The following SP140L variants were observed in gnomAD, a reference collection of about 807,000 sequenced individuals.
SP140L encodes the protein SP140 like nuclear body protein.
In SP140L, 64 loss-of-function variants were observed where a neutral mutation model predicts 84.3. The observed-to-expected ratio is 0.76, with a 90% CI of 0.62 to 0.94. The LOEUF is 0.94. Among genes scored for constraint, SP140L ranks in the 40% least tolerant of loss-of-function variants. SP140L has a pLI of 0.00. For missense variants in SP140L, 628 were observed against 692.5 expected (o/e 0.91, Z 1.05); for synonymous variants, 242 against 236.9 (o/e 1.02, Z -0.20).
At position 230,402,787 on chromosome 2, in the gene SP140L, CT is replaced by C; in HGVS notation, c.1645-5del. On this transcript the variant is annotated splice_polypyrimidine_tract_variant and intron_variant, in intron 18 of 18. Transcript: ENST00000415673. ...AGGAACATCGTTTTTGTCTTTATTACTTTTTTCCAGTATAAGGATTTTGGCC... is the reference window on the plus strand; with the variant it reads ...AGGAACATCGTTTTTGTCTTTATTACTTTTTCCAGTATAAGGATTTTGGCC... The C allele has an allele frequency of 1.2e-6, 2 of 1,606,356 alleles. No homozygotes were observed. Among genetic ancestry groups the C allele is most frequent in the South Asian group, 1.1e-5 (1 of 90,190 alleles).
Position 230,388,930 on chromosome 2 carries a change from C to T in SP140L, c.859+297C>T, listed in dbSNP as rs142094677. 1.5e-3 allele frequency: 348 copies of T among 233,704 alleles called. 1 individual carries two copies. Among genetic ancestry groups the T allele is most frequent in the African/African-American group, 7.5e-3 (331 of 43,854 alleles). The allele number at this position is 233,704 out of a possible 1,614,324, so 14.5% of individuals were successfully genotyped here. On this transcript the variant is annotated intron_variant, in intron 10 of 18. Transcript: ENST00000415673. ...CCATTGCTGTATAAAGGGTATAACCCGTAAGTGATTTAGCTGATCTTCCTC... is the reference window on the plus strand; with the variant it reads ...CCATTGCTGTATAAAGGGTATAACCTGTAAGTGATTTAGCTGATCTTCCTC...
At chr2:230,374,785 T>A (rs1245166337) in intron 7 of SP140L, among the ~76,000 whole-genome samples, 2 of 152,232 alleles carry the variant, frequency 1.3e-5, no homozygotes, top group Non-Finnish European at 2.9e-5. Flanking sequence ...AAAGTATTTT[T>A]AATTAAGGTA....
intron 5 of SP140L, among the ~76,000 whole-genome samples, chr2:230,365,278 C>T (rs1186522249): frequency 6.6e-6 from 1 of 151,968 alleles, no homozygotes; most frequent in Non-Finnish European, 1.5e-5. Context: ...ACCATCTGGT[C>T]CTGGGCTTTT....
In SP140L at chr2:230,327,283, G is replaced by T. The variant is rs1205638432; in HGVS notation, c.14G>T (p.Gly5Val). 6.2e-7 allele frequency: 1 copy of T among 1,611,816 alleles called. No individual in the cohort carries two copies. The highest frequency in any genetic ancestry group is 1.1e-5 in the South Asian group (1 of 90,562). ...TAGGGTGGGACGATGGCAGGTGGGG[G>T]CAGCGACCTGAGCACCAGGTGAGTC... is the stretch of plus-strand genomic sequence containing the variant. Reference protein sequence around the residue: MAGGGSDLSTRGLNG... With the variant: MAGGVSDLSTRGLNG... The change falls in exon 1 of 19, where the codon GGC (glycine) becomes GTC (valine). Residue 5 changes from glycine (G) to valine (V), a missense_variant. Coordinates refer to ENST00000415673, the MANE Select transcript of SP140L (RefSeq NM_138402.6).
intron 12 of SP140L, among the ~76,000 whole-genome samples, chr2:230,392,536 G>T (rs1272768809): frequency 1.3e-5 from 2 of 152,052 alleles, no homozygotes; most frequent in African/African-American, 2.4e-5. Context: ...AGTCAAGCAG[G>T]GCAAGAAGAC....
At chr2:230,332,339 C>T in intron 2 of SP140L, among the ~76,000 whole-genome samples, 1 of 152,214 alleles carries the variant, frequency 6.6e-6, no homozygotes, top group East Asian at 1.9e-4. Flanking sequence ...AGTCGTCGTC[C>T]AGTTTCCCAG....
chr2:230,391,273 T>C (rs1447230521), intron 11 of SP140L, among the ~76,000 whole-genome samples: 1 of 152,232 alleles, frequency 6.6e-6, no homozygotes, highest in African/African-American at 2.4e-5. Context: ...ATTCTATTCT[T>C]AACTTATTGA....
intron 2 of SP140L, among the ~76,000 whole-genome samples, chr2:230,352,203 G>T (rs1181962919): frequency 7.9e-5 from 12 of 151,806 alleles, no homozygotes; most frequent in Admixed American, 7.9e-4. Context: ...TTCCAAATAA[G>T]AACTAGTAAG....
At chr2:230,397,656 G>T (rs1181521325) in intron 14 of SP140L, among the ~76,000 whole-genome samples, 2 of 152,150 alleles carry the variant, frequency 1.3e-5, no homozygotes, top group Admixed American at 6.5e-5. Context: ...ACTCCAGGGG[G>T]CAGGACTCAC....
intron 2 of SP140L, among the ~76,000 whole-genome samples, chr2:230,355,031 T>C (rs185173667): frequency 6.2e-4 from 94 of 152,250 alleles, no homozygotes; most frequent in East Asian, 4.6e-3. Flanking sequence ...AGTTGCTTTT[T>C]CCCTAAAATT....
chr2:230,388,814 G>T, intron 10 of SP140L, 181 bp downstream of exon 10: 4 of 587,478 alleles, frequency 6.8e-6, no homozygotes, highest in Non-Finnish European at 1.1e-5. Flanking sequence ...GAAGTAAGTT[G>T]GTGATGGATC....
At chr2:230,398,784 G>T (rs892940782) in intron 14 of SP140L, among the ~76,000 whole-genome samples, 1 of 152,254 alleles carries the variant, frequency 6.6e-6, no homozygotes, top group Non-Finnish European at 1.5e-5. Flanking sequence ...AGGGCCACAT[G>T]GGGGCTGCGC....
intron 13 of SP140L, among the ~76,000 whole-genome samples, chr2:230,394,629 T>C (rs1331376133): frequency 1.3e-5 from 2 of 152,194 alleles, no homozygotes; most frequent in Non-Finnish European, 1.5e-5. Flanking sequence ...GAGCTGGCAA[T>C]TTCCAACCAA....
At chr2:230,359,903 C>T (rs756782351) in intron 4 of SP140L, among the ~76,000 whole-genome samples, 2 of 128,986 alleles carry the variant, frequency 1.6e-5, no homozygotes, top group Non-Finnish European at 3.5e-5. Context: ...ACTGATTGCT[C>T]GGACAGGGAC....
At position 230,395,977 on chromosome 2, in the gene SP140L, A is replaced by G. The variant is rs900152439; in HGVS notation, c.1156-780A>G. On this transcript the variant is annotated intron_variant, in intron 13 of 18. Transcript: ENST00000415673. ...AGGGCTGTGTCCCTAGGGGAGCTGC[A>G]GAAAGCAGTGCTCTTCTCTGGGACA... 2.0e-5 allele frequency among the ~76,000 whole-genome samples: 3 copies of G among 152,266 alleles called. No homozygotes were observed. The East Asian group carries it at 5.8e-4, about 29-fold the overall frequency.
intron 4 of SP140L, among the ~76,000 whole-genome samples, chr2:230,359,686 T>G (rs930346288): frequency 3.9e-5 from 6 of 152,188 alleles, no homozygotes; most frequent in Non-Finnish European, 8.8e-5. Context: ...TTATAGTTCA[T>G]GTATAGTTTC....
intron 2 of SP140L, among the ~76,000 whole-genome samples, chr2:230,329,881 A>T (rs1207160694): frequency 6.6e-6 from 1 of 152,146 alleles, no homozygotes; most frequent in Non-Finnish European, 1.5e-5. Context: ...ATTTTTGAGG[A>T]GGGATCTTAA....
chr2:230,371,812 C>T (rs774885403), intron 7 of SP140L, 161 bp downstream of exon 7: 29 of 656,908 alleles, frequency 4.4e-5, no homozygotes, highest in Non-Finnish European at 7.4e-5. Flanking sequence ...AATCCCTGGA[C>T]CTGTAATCTG....
intron 13 of SP140L, among the ~76,000 whole-genome samples, chr2:230,393,870 T>G (rs1214342008): frequency 6.6e-6 from 1 of 152,240 alleles, no homozygotes; most frequent in African/African-American, 2.4e-5. Flanking sequence ...ATTTTCTAAC[T>G]TTTGTGAAAT....
Sources: allele counts gnomAD v4.1 joint callset (sites outside exome capture counted in the v4.1 genomes callset), GRCh38; gene constraint gnomAD v4.1.1; transcripts MANE v1.5; gene names NCBI Gene and HGNC (gene_info 2026-07-23, HGNC 2026-07-21).